Variants in AFF3 observed in about 807,000 individuals in gnomAD.
AFF3 encodes AF4/FMR2 family member 3.
AFF3 carries 32 observed loss-of-function variants against 129.7 expected under a neutral mutation model. That is an observed-to-expected ratio of 0.25 (90% CI 0.19 to 0.33). The LOEUF is 0.33. Among genes scored for constraint, AFF3 ranks in the 10% least tolerant of loss-of-function variants. The pLI is 1.00. For missense variants in AFF3, 1,373 were observed against 1,592.0 expected (o/e 0.86, Z 2.34); for synonymous variants, 644 against 635.4 (o/e 1.01, Z -0.20).
intron 7 of AFF3, among the ~76,000 whole-genome samples, chr2:99,879,324 C>T (rs752182789): frequency 6.6e-6 from 1 of 152,054 alleles, no homozygotes; most frequent in Non-Finnish European, 1.5e-5. Context: ...ATCCATCTTC[C>T]AGCTTATTTA....
chr2:99,572,637 A>G (rs1230367361), intron 18 of AFF3: 1 of 455,986 alleles, frequency 2.2e-6, no homozygotes, highest in Non-Finnish European at 4.4e-6. Context: ...AGGCAACTGC[A>G]TACCAAATGA....
At chr2:99,640,541 G>C (rs1357524904) in intron 13 of AFF3, among the ~76,000 whole-genome samples, 1 of 151,940 alleles carries the variant, frequency 6.6e-6, no homozygotes, top group African/African-American at 2.4e-5. Context: ...CCAAGTTCAA[G>C]GACTCAAAGT....
intron 7 of AFF3, among the ~76,000 whole-genome samples, chr2:99,911,456 A>T (rs1184883204): frequency 6.6e-6 from 1 of 151,966 alleles, no homozygotes; most frequent in Non-Finnish European, 1.5e-5. Flanking sequence ...AAAGGATGTG[A>T]GTCTGGCTGC....
chr2:100,060,913 G>A (rs1573299465), intron 4 of AFF3, among the ~76,000 whole-genome samples: 1 of 152,208 alleles, frequency 6.6e-6, no homozygotes, highest in Non-Finnish European at 1.5e-5. Context: ...GGCCTGGTCA[G>A]TGACACTTTG....
chr2:99,704,354 C>T (rs1488113256), intron 11 of AFF3, among the ~76,000 whole-genome samples: 1 of 152,186 alleles, frequency 6.6e-6, no homozygotes, highest in African/African-American at 2.4e-5. Context: ...ATGCTGGAGA[C>T]CTGCATGCCT....
chr2:99,587,086 C>G (rs1383494663), intron 16 of AFF3, 68 bp downstream of exon 16: 16 of 1,598,686 alleles, frequency 1.0e-5, no homozygotes, highest in African/African-American at 9.4e-5. Context: ...CCTCCTCCAA[C>G]ATAGCAGGTG....
At chr2:99,671,466 T>C (rs754431784) in intron 12 of AFF3, among the ~76,000 whole-genome samples, 1 of 152,206 alleles carries the variant, frequency 6.6e-6, no homozygotes, top group Non-Finnish European at 1.5e-5. Context: ...TCCCATGACA[T>C]GAGTAACCTC....
At chr2:99,860,398 A>C (rs1180317954) in intron 7 of AFF3, among the ~76,000 whole-genome samples, 2 of 152,042 alleles carry the variant, frequency 1.3e-5, no homozygotes, top group Non-Finnish European at 2.9e-5. Context: ...CTAAAAATAC[A>C]AAAAAACTAG....
chr2:99,889,056 G>T (rs564009983), intron 7 of AFF3, among the ~76,000 whole-genome samples: 2 of 152,308 alleles, frequency 1.3e-5, no homozygotes, highest in South Asian at 4.1e-4. Context: ...AACCTAGGAG[G>T]AGGACAGACA....
chr2:99,635,444 T>C (rs1425717139), intron 13 of AFF3, among the ~76,000 whole-genome samples: 2 of 152,226 alleles, frequency 1.3e-5, no homozygotes, highest in East Asian at 3.9e-4. Flanking sequence ...ACTACAGGTG[T>C]GTGCCACCAT....
rs766652100 is a variant in AFF3, at chr2:99,649,652, T to C, written c.1158A>G (p.Arg386=). The C allele has an allele frequency of 1.9e-6, 3 of 1,614,202 alleles. No homozygotes were observed. The South Asian group carries it at 3.3e-5, about 18-fold the overall frequency. ...EEENEQQAAQ[R]TALRALSDSA... Reference sequence around the variant, plus strand: ...TGTCAGAGAGAGCGCGGAGAGCCGTTCTCTGAGCTGCCTGCTGGAAGAAAG... The same window carrying C: ...TGTCAGAGAGAGCGCGGAGAGCCGTCCTCTGAGCTGCCTGCTGGAAGAAAG... Residue 386 remains arginine (R), a synonymous_variant, in exon 13 of 25, where the codon AGA becomes AGG. Coordinates refer to ENST00000672756, the MANE Select transcript of AFF3 (RefSeq NM_001386135.1).
rs557341386 is a variant in AFF3 at position 99,556,804 on chromosome 2, C to T, written c.3285+2071G>A. ...GGGTGTGGTGGTGTGTATCTGTGGTCTCAGCGACTTGGGAGGCTGAGGTGG... is the reference window on the plus strand; with the variant it reads ...GGGTGTGGTGGTGTGTATCTGTGGTTTCAGCGACTTGGGAGGCTGAGGTGG... On this transcript the variant is annotated intron_variant, in intron 22 of 24. Coordinates refer to ENST00000672756, the MANE Select transcript of AFF3 (RefSeq NM_001386135.1). Among the ~76,000 whole-genome samples the T allele has an allele frequency of 1.4e-4, 21 of 152,018 alleles. No individual in the cohort carries two copies. In the East Asian group the frequency reaches 1.7e-3, roughly 13 times the overall value.
intron 13 of AFF3, among the ~76,000 whole-genome samples, chr2:99,635,321 AG>A (rs1195585189): frequency 1.2e-4 from 18 of 152,196 alleles, no homozygotes; most frequent in African/African-American, 4.3e-4. Flanking sequence ...TATATGACAC[AG>A]GGTCTTGCTG....
In AFF3 at chr2:100,106,699, C is replaced by A. The variant is rs1691319479; in HGVS notation, c.-144-1116G>T. Reference sequence around the variant, plus strand: ...TTCTTCAGAAAGGAGACCTCCCGGCCCTCACCGGGATCTGGCTTTCCTTCC... The same window carrying A: ...TTCTTCAGAAAGGAGACCTCCCGGCACTCACCGGGATCTGGCTTTCCTTCC... On this transcript the variant is annotated intron_variant, in intron 2 of 24. Transcript: ENST00000672756. The A allele has an allele frequency of 6.1e-6, 6 of 986,038 alleles. No individual in the cohort carries two copies. The South Asian group carries it at 2.8e-4, about 46-fold the overall frequency. The allele number at this position is 986,038 out of a possible 1,614,324, so 61.1% of individuals were successfully genotyped here.
At chr2:99,775,034 CAATGAGA>C (rs1409706366) in intron 8 of AFF3, among the ~76,000 whole-genome samples, 1 of 152,142 alleles carries the variant, frequency 6.6e-6, no homozygotes, top group Admixed American at 6.5e-5. Flanking sequence ...ATCAAAACCA[CAATGAGA>C]TATCATCTCA....
intron 8 of AFF3, among the ~76,000 whole-genome samples, chr2:99,784,168 T>TA (rs746850313): frequency 1.3e-5 from 2 of 152,198 alleles, no homozygotes; most frequent in Non-Finnish European, 2.9e-5. Context: ...GGAATCTGGA[T>TA]ACAGCATCTG....
chr2:99,831,907 A>C (rs1177344599), intron 8 of AFF3, among the ~76,000 whole-genome samples: 1 of 152,182 alleles, frequency 6.6e-6, no homozygotes, highest in Non-Finnish European at 1.5e-5. Context: ...CTGTTGAAAG[A>C]AGCACACCTC....
intron 4 of AFF3, among the ~76,000 whole-genome samples, chr2:100,016,448 G>A (rs1683082686): frequency 1.3e-5 from 2 of 150,020 alleles, no homozygotes; most frequent in African/African-American, 4.9e-5. Flanking sequence ...ATGTGGTGGT[G>A]GAGATGGTGA....
In AFF3 at chr2:100,129,260, G is replaced by A. The variant is rs918173133; in HGVS notation, c.-181C>T. On this transcript the variant is annotated 5_prime_UTR_variant, in exon 2 of 25. Transcript: ENST00000672756. Reference sequence around the variant, plus strand: ...TTACTCCGGATTGATGCTTCCCGATGTAAACAATGGCTGATCGTAAGGTCT... The same window carrying A: ...TTACTCCGGATTGATGCTTCCCGATATAAACAATGGCTGATCGTAAGGTCT... The A allele has an allele frequency of 1.3e-5, 2 of 152,102 alleles. No individual in the cohort carries two copies. Among genetic ancestry groups the A allele is most frequent in the Non-Finnish European group, 2.9e-5 (2 of 68,038 alleles). 9.4% of individuals were successfully genotyped at this position (152,102 alleles called of 1,614,324 possible).
Sources: allele counts gnomAD v4.1 joint callset (sites outside exome capture counted in the v4.1 genomes callset), GRCh38; gene constraint gnomAD v4.1.1; transcripts MANE v1.5; gene names NCBI Gene and HGNC (gene_info 2026-07-23, HGNC 2026-07-21).